The following MDGA2 variants were observed in gnomAD, a reference collection of about 807,000 sequenced individuals.
MDGA2 encodes the protein MAM domain-containing glycosylphosphatidylinositol anchor protein 2.
In MDGA2, 40 loss-of-function variants were observed where a neutral mutation model predicts 117.8. That is an observed-to-expected ratio of 0.34 (90% CI 0.26 to 0.44). The LOEUF (loss-of-function observed/expected upper bound fraction) is 0.44. Ranked by LOEUF, MDGA2 falls within the 20% of genes least tolerant of loss-of-function variation. MDGA2 has a pLI of 1.00. For missense variants in MDGA2, 1,123 were observed against 1,250.6 expected (o/e 0.90, Z 1.54); for synonymous variants, 452 against 439.0 (o/e 1.03, Z -0.37).
rs141581140 is a variant in MDGA2, at chr14:47,353,333, A to G, written c.281-51783T>C. Among the ~76,000 whole-genome samples the G allele has an allele frequency of 4.3e-3, 652 of 152,324 alleles. 2 individuals are homozygous for G. The highest frequency in any genetic ancestry group is 0.015 in the African/African-American group (630 of 41,572). On this transcript the variant is annotated intron_variant, in intron 1 of 16. Coordinates refer to ENST00000399232, the MANE Select transcript of MDGA2 (RefSeq NM_001113498.3). ...AGATAGCTTTGCTTGAATGAGCTCA[A>G]TTACAATGAGAATGCTAAGGTTTAT...
chr14:47,274,589 C>T (rs753329623), intron 2 of MDGA2, among the ~76,000 whole-genome samples: 4 of 152,050 alleles, frequency 2.6e-5, no homozygotes, highest in Admixed American at 1.3e-4. Flanking sequence ...CTCAAGTGTA[C>T]GCTAAGGAGT....
At chr14:47,566,549 T>C (rs1895922857) in intron 1 of MDGA2, among the ~76,000 whole-genome samples, 1 of 152,200 alleles carries the variant, frequency 6.6e-6, no homozygotes, top group African/African-American at 2.4e-5. Flanking sequence ...TGCTGGAGTC[T>C]TGCACTTGTC....
chr14:47,595,871 G>A (rs1355649665), intron 1 of MDGA2, among the ~76,000 whole-genome samples: 5 of 152,104 alleles, frequency 3.3e-5, no homozygotes, highest in African/African-American at 1.2e-4. Flanking sequence ...ATCTGCATAA[G>A]GTGTAATGTT....
At chr14:47,285,502 G>A (rs1055667289) in intron 2 of MDGA2, among the ~76,000 whole-genome samples, 3 of 151,994 alleles carry the variant, frequency 2.0e-5, no homozygotes, top group African/African-American at 7.2e-5. Flanking sequence ...AGATCCCAAT[G>A]TTTCACCATT....
chr14:47,088,004 G>A (rs1234303348), intron 6 of MDGA2, among the ~76,000 whole-genome samples: 4 of 151,856 alleles, frequency 2.6e-5, no homozygotes, highest in African/African-American at 9.7e-5. Flanking sequence ...TACTAAGTAG[G>A]AAAATTTAAA....
intron 6 of MDGA2, among the ~76,000 whole-genome samples, chr14:47,078,721 T>C (rs958784871): frequency 3.3e-5 from 5 of 152,128 alleles, no homozygotes; most frequent in Non-Finnish European, 7.4e-5. Context: ...AGCAAATATA[T>C]AACATCTCCA....
At chr14:46,876,326 G>A (rs749140663) in intron 12 of MDGA2, among the ~76,000 whole-genome samples, 1 of 151,376 alleles carries the variant, frequency 6.6e-6, no homozygotes, top group Non-Finnish European at 1.5e-5. Context: ...TTTAAAAAGA[G>A]ACAATTATAA....
At chr14:47,059,059 A>G (rs1271954943) in intron 7 of MDGA2, 1 of 1,012,370 alleles carries the variant, frequency 9.9e-7, no homozygotes, top group Non-Finnish European at 1.2e-6. Flanking sequence ...TTAAGTCAGT[A>G]GGGAATTACA....
chr14:46,865,164 C>CA (rs1441248706), intron 14 of MDGA2, among the ~76,000 whole-genome samples: 2 of 152,052 alleles, frequency 1.3e-5, no homozygotes, highest in African/African-American at 4.8e-5. Flanking sequence ...TAAAATCATG[C>CA]AAAATACCAT....
chr14:47,306,479 A>G (rs1889448675), intron 1 of MDGA2, among the ~76,000 whole-genome samples: 2 of 71,226 alleles, frequency 2.8e-5, no homozygotes, highest in Admixed American at 1.7e-4. Flanking sequence ...ACGTGCTGCT[A>G]ATCAGGCATT....
intron 1 of MDGA2, among the ~76,000 whole-genome samples, chr14:47,387,885 G>T (rs889019171): frequency 2.0e-5 from 3 of 152,166 alleles, no homozygotes; most frequent in African/African-American, 7.2e-5. Context: ...TAAGGGATGG[G>T]TCAGACAAGC....
rs536726214 is a variant in MDGA2, at chr14:47,640,206, G to C, written c.280+34311C>G. ...TTAATGCCAAATGGTCCCCTTCTTG[G>C]ATAGTTTACATCTTGAGTCAAGGAT... On this transcript the variant is annotated intron_variant, in intron 1 of 16. Coordinates refer to ENST00000399232, the MANE Select transcript of MDGA2 (RefSeq NM_001113498.3). 2.1e-4 allele frequency among the ~76,000 whole-genome samples: 32 copies of C among 152,194 alleles called. No homozygotes were observed. In the South Asian group the frequency reaches 6.4e-3, roughly 31 times the overall value.
intron 10 of MDGA2, among the ~76,000 whole-genome samples, chr14:46,895,841 C>A (rs1202205686): frequency 6.6e-6 from 1 of 152,010 alleles, no homozygotes; most frequent in East Asian, 1.9e-4. Flanking sequence ...TATTTTGATT[C>A]TGCAATGCCG....
intron 1 of MDGA2, among the ~76,000 whole-genome samples, chr14:47,515,186 G>A (rs1052271897): frequency 6.6e-6 from 1 of 152,144 alleles, no homozygotes; most frequent in African/African-American, 2.4e-5. Flanking sequence ...GACTTGCACA[G>A]CAGACTAGAG....
chr14:47,179,534 C>T (rs999735871), intron 3 of MDGA2, among the ~76,000 whole-genome samples: 1 of 151,818 alleles, frequency 6.6e-6, no homozygotes, highest in African/African-American at 2.4e-5. Flanking sequence ...TGTATTAATT[C>T]GAGTCTCATT....
intron 1 of MDGA2, among the ~76,000 whole-genome samples, chr14:47,322,814 A>G (rs1890019487): frequency 6.6e-6 from 1 of 152,158 alleles, no homozygotes. Flanking sequence ...AAAATCATAA[A>G]GCCAAAATAC....
chr14:47,627,850 A>G (rs1897177630), intron 1 of MDGA2, among the ~76,000 whole-genome samples: 2 of 152,204 alleles, frequency 1.3e-5, no homozygotes, highest in South Asian at 4.1e-4. Flanking sequence ...GAAGGTCTGC[A>G]GTTTCACGCC....
chr14:47,612,560 G>A (rs1483507756), intron 1 of MDGA2, among the ~76,000 whole-genome samples: 5 of 151,952 alleles, frequency 3.3e-5, no homozygotes, highest in African/African-American at 1.2e-4. Flanking sequence ...GTATTCCAAG[G>A]TGATCTGTCT....
At chr14:47,257,287 T>A (rs1022589025) in intron 2 of MDGA2, among the ~76,000 whole-genome samples, 5 of 152,154 alleles carry the variant, frequency 3.3e-5, no homozygotes, top group Non-Finnish European at 7.4e-5. Flanking sequence ...TTTTCCTCGG[T>A]AATATTTGTG....
Sources: allele counts gnomAD v4.1 joint callset (sites outside exome capture counted in the v4.1 genomes callset), GRCh38; gene constraint gnomAD v4.1.1; transcripts MANE v1.5; gene names NCBI Gene and HGNC (gene_info 2026-07-23, HGNC 2026-07-21).